HTR1E: variants seen among roughly 807,000 people sequenced by gnomAD.
HTR1E encodes the protein 5-hydroxytryptamine receptor 1E, also known as 5-HT-1E.
HTR1E carries 3 observed loss-of-function variants against 3.4 expected under a neutral mutation model. The observed-to-expected ratio is 0.89, with a 90% CI of 0.41 to 2.31. HTR1E has a LOEUF of 2.31. Among genes scored for constraint, HTR1E ranks in the 30% most tolerant of loss-of-function variants. The pLI, the probability that HTR1E is intolerant of heterozygous loss-of-function variation, is 0.05. For missense variants in HTR1E, 392 were observed against 467.0 expected, an observed-to-expected ratio of 0.84 and a Z score of 1.48; for synonymous variants, 170 against 182.8, an observed-to-expected ratio of 0.93 and a Z score of 0.56.
intron 1 of HTR1E, among the ~76,000 whole-genome samples, chr6:86,976,526 T>C (rs1247083915): frequency 2.0e-5 from 3 of 152,346 alleles, no homozygotes; most frequent in South Asian, 2.1e-4. Flanking sequence ...CTTTAAAGAA[T>C]TGCTGTTTGG....
At chr6:86,973,320 GTGTGTGTGTGTC>G (rs1326857516) in intron 1 of HTR1E, among the ~76,000 whole-genome samples, 1 of 150,998 alleles carries the variant, frequency 6.6e-6, no homozygotes, top group African/African-American at 2.4e-5. Flanking sequence ...GTGTGTGTGT[GTGTGTGTGTGTC>G]TGTGTGTGTG....
chr6:86,992,222 G>C (rs1334366261), intron 1 of HTR1E, among the ~76,000 whole-genome samples: 1 of 152,146 alleles, frequency 6.6e-6, no homozygotes, highest in Non-Finnish European at 1.5e-5. Context: ...CTGATTTAAA[G>C]GGTAAAGAGA....
chr6:86,979,415 C>T (rs1024765799), intron 1 of HTR1E, among the ~76,000 whole-genome samples: 5 of 151,994 alleles, frequency 3.3e-5, no homozygotes, highest in African/African-American at 1.2e-4. Context: ...CAAATAGTAA[C>T]TATAGATGGT....
At chr6:86,958,111 T>G (rs1174147457) in intron 1 of HTR1E, among the ~76,000 whole-genome samples, 1 of 145,528 alleles carries the variant, frequency 6.9e-6, no homozygotes, top group Non-Finnish European at 1.5e-5. Flanking sequence ...CAGGCTGGAG[T>G]GCAATGGTGC....
At chr6:86,971,526 ATG>A (rs1275388442) in intron 1 of HTR1E, among the ~76,000 whole-genome samples, 1 of 151,612 alleles carries the variant, frequency 6.6e-6, no homozygotes, top group Admixed American at 6.6e-5. Context: ...AGTCATTGAT[ATG>A]TGTTTGGAGA....
At chr6:86,984,348 AC>A (rs1767753800) in intron 1 of HTR1E, among the ~76,000 whole-genome samples, 1 of 152,204 alleles carries the variant, frequency 6.6e-6, no homozygotes, top group Admixed American at 6.5e-5. Context: ...ATAGATTTAA[AC>A]TGATCAATCC....
chr6:86,960,573 C>T (rs1175882496), intron 1 of HTR1E, among the ~76,000 whole-genome samples: 4 of 152,146 alleles, frequency 2.6e-5, no homozygotes, highest in Non-Finnish European at 5.9e-5. Flanking sequence ...CCCGGTTGTT[C>T]AATCAAGATC....
chr6:87,015,840 C>T lies in HTR1E; in HGVS notation c.506C>T (p.Pro169Leu), dbSNP rs775040501. Residue 169 changes from proline to leucine, a missense_variant, in exon 2 of 2, where the codon CCC becomes CTC. Pro to Leu is a moderately conservative substitution (Grantham distance 98, BLOSUM62 -3). Coordinates refer to ENST00000305344, the MANE Select transcript of HTR1E (RefSeq NM_000865.3). ...AGAAGCCACCGCCGCCTAAGCCCTCCCCCTAGTCAGTGCACCATCCAGCAC... is the reference window on the plus strand; with the variant it reads ...AGAAGCCACCGCCGCCTAAGCCCTCTCCCTAGTCAGTGCACCATCCAGCAC... Reference protein sequence around the residue: ...FWRSHRRLSPPPSQCTIQHDH... With the variant: ...FWRSHRRLSPLPSQCTIQHDH... The T allele has an allele frequency of 1.9e-6, 3 of 1,613,758 alleles. No homozygotes were observed. The South Asian group carries it at 3.3e-5, about 18-fold the overall frequency.
intron 1 of HTR1E, among the ~76,000 whole-genome samples, chr6:86,946,844 C>T (rs1161019354): frequency 1.3e-5 from 2 of 152,122 alleles, no homozygotes; most frequent in East Asian, 1.9e-4. Context: ...AGGCCGGGCA[C>T]GGTGGCTCAC....
intron 1 of HTR1E, among the ~76,000 whole-genome samples, chr6:87,004,401 T>C (rs1455006177): frequency 1.3e-5 from 2 of 152,160 alleles, no homozygotes; most frequent in Non-Finnish European, 2.9e-5. Flanking sequence ...TCATCATGAC[T>C]AAGTGGGATT....
intron 1 of HTR1E, among the ~76,000 whole-genome samples, chr6:86,955,616 A>T (rs897397917): frequency 6.6e-6 from 1 of 152,164 alleles, no homozygotes; most frequent in Non-Finnish European, 1.5e-5. Context: ...AAAGCTGCTA[A>T]ATTTGTGGTA....
At chr6:87,010,448 G>C (rs1768201696) in intron 1 of HTR1E, among the ~76,000 whole-genome samples, 1 of 151,200 alleles carries the variant, frequency 6.6e-6, no homozygotes, top group African/African-American at 2.4e-5. Context: ...ACCGGGCAGA[G>C]ACGCTCCTCA....
At chr6:86,997,079 T>G (rs1468920591) in intron 1 of HTR1E, among the ~76,000 whole-genome samples, 1 of 151,956 alleles carries the variant, frequency 6.6e-6, no homozygotes, top group African/African-American at 2.4e-5. Context: ...TAACAAGCTA[T>G]AGAAGAAAAA....
chr6:86,997,869 A>T (rs1264074590), intron 1 of HTR1E, among the ~76,000 whole-genome samples: 1 of 151,960 alleles, frequency 6.6e-6, no homozygotes, highest in Non-Finnish European at 1.5e-5. Flanking sequence ...TAATATAAAG[A>T]TATAAATAGG....
rs199813634 is a variant in HTR1E, at chr6:87,016,369, G to A, written c.1035G>A (p.Thr345=). ...VNSLINPLLY[T]SFNEDFKLAF... ...CTCTGATCAACCCTCTGCTCTATAC[G>A]AGTTTTAATGAAGACTTTAAGCTGG... The change falls in exon 2 of 2, where the codon ACG becomes ACA. Residue 345 remains threonine (T), a synonymous_variant. Transcript: ENST00000305344. 2.4e-5 allele frequency: 39 copies of A among 1,613,000 alleles called. No homozygotes were observed. The highest frequency in any genetic ancestry group is 8.3e-5 in the Admixed American group (5 of 59,972).
intron 1 of HTR1E, among the ~76,000 whole-genome samples, chr6:86,960,455 A>T (rs1411043207): frequency 2.0e-5 from 3 of 152,224 alleles, no homozygotes; most frequent in Non-Finnish European, 2.9e-5. Context: ...GACACATTCA[A>T]ACCAGGCAAG....
At chr6:86,970,957 GACAGATAAC>G in intron 1 of HTR1E, 1 of 365,240 alleles carries the variant, frequency 2.7e-6, no homozygotes, top group Non-Finnish European at 5.3e-6. Context: ...TAATCGCCTT[GACAGATAAC>G]ACTTTGCTCA....
At chr6:87,009,866 G>A (rs1465040598) in intron 1 of HTR1E, among the ~76,000 whole-genome samples, 6 of 120,538 alleles carry the variant, frequency 5.0e-5, no homozygotes, top group Admixed American at 1.5e-4. Flanking sequence ...CGGACGGGGC[G>A]GCTGGCCGGG....
chr6:87,012,814 A>G (rs1768257594), intron 1 of HTR1E, among the ~76,000 whole-genome samples: 1 of 152,228 alleles, frequency 6.6e-6, no homozygotes, highest in Non-Finnish European at 1.5e-5. Context: ...TCCTGATTTA[A>G]AGAGGAGGAA....
Sources: gnomAD v4.1 joint callset for allele counts (sites outside exome capture counted in the v4.1 genomes callset) on GRCh38, gnomAD v4.1.1 for gene constraint, MANE v1.5 for transcripts, NCBI Gene and HGNC (gene_info 2026-07-23, HGNC 2026-07-21) for gene names.